PSMG2: variants seen among roughly 807,000 people sequenced by gnomAD.
PSMG2 encodes CD40 ligand-activated specific transcript 3.
Under a neutral mutation model 31.5 loss-of-function variants are expected in PSMG2, and 21 were observed. The ratio of observed to expected loss-of-function variants is 0.67; its 90% confidence interval spans 0.47 to 0.96. The LOEUF (loss-of-function observed/expected upper bound fraction) is 0.96. Among genes scored for constraint, PSMG2 ranks in the 40% least tolerant of loss-of-function variants. PSMG2 has a pLI of 0.00. For missense variants in PSMG2, 318 were observed against 321.2 expected (o/e 0.99, Z 0.08); for synonymous variants, 120 against 110.4 (o/e 1.09, Z -0.54).
At chr18:12,714,969 C>T (rs146803699) in intron 3 of PSMG2, among the ~76,000 whole-genome samples, 22 of 150,170 alleles carry the variant, frequency 1.5e-4, no homozygotes, top group African/African-American at 5.4e-4. Context: ...CCACCTCAGC[C>T]TCCCAAAGTG....
At chr18:12,675,067 G>A (rs2039073350) in intron 1 of PSMG2, among the ~76,000 whole-genome samples, 3 of 128,410 alleles carry the variant, frequency 2.3e-5, no homozygotes, top group South Asian at 4.6e-4. Context: ...TGGAGGACAG[G>A]TATAATTCTT....
At chr18:12,672,818 G>A (rs1598612252) in intron 1 of PSMG2, 1 of 983,810 alleles carries the variant, frequency 1.0e-6, no homozygotes, top group African/African-American at 1.8e-5. Context: ...CTTGCTTCAA[G>A]GTCCAACCAT....
intron 1 of PSMG2, among the ~76,000 whole-genome samples, chr18:12,660,686 A>C (rs932508100): frequency 6.6e-6 from 1 of 152,160 alleles, no homozygotes; most frequent in Non-Finnish European, 1.5e-5. Flanking sequence ...ATTTTTTTTA[A>C]CATATACACA....
At chr18:12,665,404 C>G (rs999900876) in intron 1 of PSMG2, among the ~76,000 whole-genome samples, 4 of 152,068 alleles carry the variant, frequency 2.6e-5, no homozygotes, top group African/African-American at 9.7e-5. Context: ...TATACTTGTG[C>G]TTTTCCTTAG....
chr18:12,669,613 C>A (rs12965990), intron 1 of PSMG2, among the ~76,000 whole-genome samples: 60,058 of 152,002 alleles, frequency 0.4, 12,249 homozygotes, highest in Non-Finnish European at 0.45. Flanking sequence ...GTCAAGAACA[C>A]CACCTTGGAG....
At chr18:12,719,698 C>CTTT (rs34788263) in intron 4 of PSMG2, among the ~76,000 whole-genome samples, 1 of 134,736 alleles carries the variant, frequency 7.4e-6, no homozygotes. Context: ...CAGGATGTAG[C>CTTT]TTTTTTTTTT....
intron 1 of PSMG2, among the ~76,000 whole-genome samples, chr18:12,677,421 C>T (rs1030052500): frequency 2.2e-5 from 3 of 136,538 alleles, no homozygotes; most frequent in South Asian, 2.3e-4. Flanking sequence ...CACGCCACTG[C>T]GCTCCAGCCT....
At chr18:12,691,548 T>C in intron 1 of PSMG2, 3 of 1,269,540 alleles carry the variant, frequency 2.4e-6, no homozygotes, top group African/African-American at 3.0e-5. Flanking sequence ...CTACAAAATA[T>C]GTAGCAAATT....
At chr18:12,687,187 G>A (rs1231448889) in intron 1 of PSMG2, among the ~76,000 whole-genome samples, 2 of 152,074 alleles carry the variant, frequency 1.3e-5, no homozygotes, top group African/African-American at 2.4e-5. Flanking sequence ...ATTTGGAGAT[G>A]ACCTACCCTC....
At chr18:12,698,951 T>TA, upstream of PSMG2, 1 of 1,451,980 alleles carries the variant, frequency 6.9e-7, no homozygotes, top group South Asian at 1.2e-5. Context: ...TTTACTCAAT[T>TA]AAATGACAAT....
chr18:12,721,335 T>C (rs1051202550), intron 5 of PSMG2, among the ~76,000 whole-genome samples: 9 of 152,322 alleles, frequency 5.9e-5, no homozygotes, highest in Non-Finnish European at 8.8e-5. Context: ...CTAATACTTA[T>C]TCTTTGCAAC....
upstream of PSMG2, chr18:12,700,149 C>A: frequency 3.4e-6 from 1 of 291,774 alleles, no homozygotes; most frequent in Admixed American, 5.1e-5. Context: ...ATACTATCCA[C>A]ATAAAGCTAA....
rs963782050 is a variant in PSMG2, at chr18:12,709,982, G to A, written c.230-2720G>A. Among the ~76,000 whole-genome samples the A allele has an allele frequency of 2.7e-3, 366 of 135,638 alleles. 1 individual carries two copies. The highest frequency in any genetic ancestry group is 9.9e-3 in the African/African-American group (350 of 35,532). 89.0% of individuals were successfully genotyped at this position (135,638 alleles called of 152,430 possible). On this transcript the variant is annotated intron_variant, in intron 2 of 6. Coordinates refer to ENST00000317615, the MANE Select transcript of PSMG2 (RefSeq NM_020232.5). The stretch of plus-strand genomic sequence containing the variant: ...TTTTGAGATGGAGTCTTGCTCTGTC[G>A]CCCAGTCTGGAGTGCGGTGGCACGA...
chr18:12,665,080 T>C (rs1405394781), intron 1 of PSMG2: 1 of 152,130 alleles, frequency 6.6e-6, no homozygotes, highest in Non-Finnish European at 1.5e-5. Context: ...GGTCTAGAGC[T>C]GCTCTTGGCT....
chr18:12,683,425 A>G (rs896151000), intron 1 of PSMG2, among the ~76,000 whole-genome samples: 5 of 151,948 alleles, frequency 3.3e-5, no homozygotes, highest in South Asian at 2.1e-4. Flanking sequence ...GGCAGTTCCT[A>G]CAATAGGGAA....
At chr18:12,690,614 C>A (rs2039719702) in intron 1 of PSMG2, among the ~76,000 whole-genome samples, 1 of 152,080 alleles carries the variant, frequency 6.6e-6, no homozygotes, top group African/African-American at 2.4e-5. Flanking sequence ...CGCCATCACG[C>A]CCGGCTAATT....
At chr18:12,701,012 G>A (rs187590282), upstream of PSMG2, 13 of 1,613,716 alleles carry the variant, frequency 8.1e-6, no homozygotes, top group African/African-American at 2.7e-5. Context: ...GACGTCTAAG[G>A]GCTTTGATCA....
chr18:12,683,091 A>G (rs1341344383), intron 1 of PSMG2, among the ~76,000 whole-genome samples: 1 of 150,952 alleles, frequency 6.6e-6, no homozygotes, highest in Non-Finnish European at 1.5e-5. Flanking sequence ...TTTGCCTGTA[A>G]TCTCAGCACT....
At chr18:12,676,520 C>T (rs1476096704) in intron 1 of PSMG2, among the ~76,000 whole-genome samples, 2 of 152,022 alleles carry the variant, frequency 1.3e-5, no homozygotes, top group African/African-American at 4.8e-5. Context: ...AGCAATCCAC[C>T]CATCTCAGCC....
Sources: gnomAD v4.1 joint callset for allele counts (sites outside exome capture counted in the v4.1 genomes callset) on GRCh38, gnomAD v4.1.1 for gene constraint, MANE v1.5 for transcripts, NCBI Gene and HGNC (gene_info 2026-07-23, HGNC 2026-07-21) for gene names.